GRIK2: variants seen among roughly 807,000 people sequenced by gnomAD.
GRIK2 encodes glutamate ionotropic receptor kainate type subunit 2.
GRIK2 carries 32 observed loss-of-function variants against 100.3 expected under a neutral mutation model. The observed-to-expected ratio is 0.32, with a 90% CI of 0.24 to 0.43. The LOEUF (loss-of-function observed/expected upper bound fraction) is 0.43, where lower values mean the gene tolerates loss of function less well. Among genes scored for constraint, GRIK2 ranks in the 20% least tolerant of loss-of-function variants. GRIK2 has a pLI of 1.00. For missense variants in GRIK2, 843 were observed against 1,114.9 expected (o/e 0.76, Z 3.47); for synonymous variants, 417 against 389.4 (o/e 1.07, Z -0.83).
Position 101,536,805 on chromosome 6 carries a change from C to G in GRIK2, c.116-85144C>G, listed in dbSNP as rs1188682097. 2.6e-5 allele frequency among the ~76,000 whole-genome samples: 4 copies of G among 151,770 alleles called. No individual in the cohort carries two copies. The East Asian group carries it at 7.7e-4, about 29-fold the overall frequency. Reference sequence around the variant, plus strand: ...TTGTTCATACACATTCAGCTAGATTCTTCCAATGGATAATAATTCTTAGTC... The same window carrying G: ...TTGTTCATACACATTCAGCTAGATTGTTCCAATGGATAATAATTCTTAGTC... On this transcript the variant is annotated intron_variant, in intron 2 of 16. Transcript: ENST00000369134.
chr6:101,634,290 C>T (rs564148122), intron 4 of GRIK2, among the ~76,000 whole-genome samples: 1 of 152,010 alleles, frequency 6.6e-6, no homozygotes, highest in Non-Finnish European at 1.5e-5. Context: ...GTGATGAAGA[C>T]AGGAAATAAG....
At chr6:101,922,088 C>CTACCGTTCTCCAT (rs778299734) in intron 12 of GRIK2, among the ~76,000 whole-genome samples, 1 of 38,398 alleles carries the variant, frequency 2.6e-5, no homozygotes, top group Non-Finnish European at 5.0e-5. Context: ...TCCTTCCTTC[C>CTACCGTTCTCCAT]TTCCTTCCTT....
chr6:101,958,253 TTGTG>T (rs1554292720), intron 14 of GRIK2, among the ~76,000 whole-genome samples: 3,804 of 139,536 alleles, frequency 0.027, 195 homozygotes, highest in African/African-American at 0.095. Context: ...TGCTACATAT[TTGTG>T]TGTGTGTGTG....
chr6:101,498,029 C>A (rs2128271726), intron 2 of GRIK2, among the ~76,000 whole-genome samples: 1 of 123,680 alleles, frequency 8.1e-6, no homozygotes, highest in Non-Finnish European at 1.7e-5. Context: ...CCCCCCACCC[C>A]ACAACAGTCC....
At chr6:101,958,108 T>C (rs1355617050) in intron 14 of GRIK2, among the ~76,000 whole-genome samples, 1 of 152,098 alleles carries the variant, frequency 6.6e-6, no homozygotes, top group Admixed American at 6.6e-5. Flanking sequence ...GGAAGTATGG[T>C]CATTTTAACA....
chr6:101,674,847 TAAAAC>T (rs1411020026), intron 4 of GRIK2, among the ~76,000 whole-genome samples: 1 of 152,204 alleles, frequency 6.6e-6, no homozygotes, highest in East Asian at 1.9e-4. Context: ...CATGTGTTTT[TAAAAC>T]AAAATATACC....
intron 9 of GRIK2, among the ~76,000 whole-genome samples, chr6:101,805,473 G>C (rs1390489494): frequency 3.3e-5 from 5 of 151,902 alleles, no homozygotes; most frequent in African/African-American, 4.8e-5. Context: ...TCATGACTGA[G>C]AGACAAAAAT....
At chr6:101,734,512 G>T (rs1424402204) in intron 7 of GRIK2, among the ~76,000 whole-genome samples, 1 of 152,098 alleles carries the variant, frequency 6.6e-6, no homozygotes, top group African/African-American at 2.4e-5. Flanking sequence ...ACTAATTCAA[G>T]TGTTAATCTC....
At position 102,050,696 on chromosome 6, in the gene GRIK2, GA is replaced by G. The variant is rs377652010; in HGVS notation, c.2312-4631del. Among the ~76,000 whole-genome samples, 58 of 145,196 alleles carry G rather than the reference GA, an allele frequency of 4.0e-4. No individual in the cohort carries two copies. In the East Asian group the frequency reaches 8.7e-3, roughly 22 times the overall value. On this transcript the variant is annotated intron_variant, in intron 15 of 16. Coordinates refer to ENST00000369134, the MANE Select transcript of GRIK2 (RefSeq NM_021956.5). ...AATAAGAAATAAAAAGAGAGTACAG[GA>G]AAGGCAAAAAAAGAAAAAGAAAAAG...
At chr6:101,420,776 A>G (rs2128240203) in intron 2 of GRIK2, among the ~76,000 whole-genome samples, 1 of 152,316 alleles carries the variant, frequency 6.6e-6, no homozygotes, top group East Asian at 1.9e-4. Context: ...CTTTACTGGC[A>G]AAGTTCCACG....
At chr6:101,639,257 C>G (rs901878098) in intron 4 of GRIK2, among the ~76,000 whole-genome samples, 4 of 152,086 alleles carry the variant, frequency 2.6e-5, no homozygotes, top group Admixed American at 6.6e-5. Context: ...GGGTCGCAAA[C>G]TCCTGATATC....
chr6:101,872,521 G>A (rs1785498082), intron 11 of GRIK2, among the ~76,000 whole-genome samples: 1 of 151,774 alleles, frequency 6.6e-6, no homozygotes, highest in South Asian at 2.1e-4. Flanking sequence ...CCTACCATCT[G>A]GTCCCACTCA....
In GRIK2 at chr6:101,851,750, T is replaced by G. The variant is rs190739226; in HGVS notation, c.1318-7537T>G. 7.9e-4 allele frequency among the ~76,000 whole-genome samples: 113 copies of G among 142,436 alleles called. 1 individual carries two copies. Among genetic ancestry groups the G allele is most frequent in the African/African-American group, 2.7e-3 (102 of 37,806 alleles). 93.4% of individuals were successfully genotyped at this position (142,436 alleles called of 152,430 possible). ...AATTAATACCATTTTGCATACAATA[T>G]AGCCCAGTGGCTAATCCCAGTTAAC... On this transcript the variant is annotated intron_variant, in intron 10 of 16. Coordinates refer to ENST00000369134, the MANE Select transcript of GRIK2 (RefSeq NM_021956.5).
intron 4 of GRIK2, among the ~76,000 whole-genome samples, chr6:101,642,249 A>G (rs1781307717): frequency 6.6e-6 from 1 of 151,904 alleles, no homozygotes; most frequent in Non-Finnish European, 1.5e-5. Context: ...TAATTGTGGT[A>G]AAATACACAT....
At chr6:102,041,459 A>G (rs1187095222) in intron 15 of GRIK2, among the ~76,000 whole-genome samples, 7 of 151,618 alleles carry the variant, frequency 4.6e-5, no homozygotes, top group Non-Finnish European at 7.4e-5. Flanking sequence ...ATTAGAAAAA[A>G]GCTAGTCAAA....
At chr6:101,947,680 G>A (rs1375343026) in intron 14 of GRIK2, among the ~76,000 whole-genome samples, 1 of 152,050 alleles carries the variant, frequency 6.6e-6, no homozygotes, top group Non-Finnish European at 1.5e-5. Context: ...AAAATGTGTT[G>A]GATACTGAAA....
Position 101,876,484 on chromosome 6 carries a change from AACACACAC to A in GRIK2, c.1525-13128_1525-13121del, listed in dbSNP as rs34929195. On this transcript the variant is annotated intron_variant, in intron 11 of 16. Coordinates refer to ENST00000369134, the MANE Select transcript of GRIK2 (RefSeq NM_021956.5). ...ATGGTTTCCTTAGAAAACAAAAACA[AACACACAC>A]ACACACACACACACACACACACACA... 9.4e-5 allele frequency among the ~76,000 whole-genome samples: 14 copies of A among 148,916 alleles called. No homozygotes were observed. In the East Asian group the frequency reaches 9.9e-4, roughly 11 times the overall value.
intron 14 of GRIK2, among the ~76,000 whole-genome samples, chr6:101,983,273 A>G (rs1793823263): frequency 6.6e-6 from 1 of 151,858 alleles, no homozygotes; most frequent in Non-Finnish European, 1.5e-5. Flanking sequence ...AAAAATTTCC[A>G]GAGCAAAATG....
At chr6:101,965,982 C>T (rs1479232083) in intron 14 of GRIK2, among the ~76,000 whole-genome samples, 1 of 152,034 alleles carries the variant, frequency 6.6e-6, no homozygotes. Flanking sequence ...TTGTAATCCA[C>T]ATTAGATAGC....
Sources: allele counts gnomAD v4.1 joint callset (sites outside exome capture counted in the v4.1 genomes callset), GRCh38; gene constraint gnomAD v4.1.1; transcripts MANE v1.5; gene names NCBI Gene and HGNC (gene_info 2026-07-23, HGNC 2026-07-21).